MLLT3: variants seen among roughly 807,000 people sequenced by gnomAD.
The protein encoded by MLLT3 is MLLT3 super elongation complex subunit.
A neutral mutation model predicts 53.2 loss-of-function variants in MLLT3; 4 were observed. That is an observed-to-expected ratio of 0.08 (90% CI 0.04 to 0.17). The LOEUF is 0.17. Among genes scored for constraint, MLLT3 ranks in the 10% least tolerant of loss-of-function variants. MLLT3 has a pLI of 1.00. For synonymous variants in MLLT3, 283 were observed against 230.6 expected, an observed-to-expected ratio of 1.23 and a Z score of -2.06; for missense variants, 569 against 684.0, an observed-to-expected ratio of 0.83 and a Z score of 1.87.
chr9:20,569,862 GTCT>G (rs1405298724), intron 2 of MLLT3, among the ~76,000 whole-genome samples: 2 of 152,162 alleles, frequency 1.3e-5, no homozygotes, highest in African/African-American at 2.4e-5. Context: ...GCTCAGTAAA[GTCT>G]TCTTCCCCAC....
At chr9:20,595,449 T>C (rs1224287744) in intron 2 of MLLT3, among the ~76,000 whole-genome samples, 1 of 152,080 alleles carries the variant, frequency 6.6e-6, no homozygotes, top group African/African-American at 2.4e-5. Context: ...AATTTTATAT[T>C]ACCACATACT....
chr9:20,360,908 T>C (rs990243790), intron 7 of MLLT3, 67 bp from the exon 8 acceptor site: 1 of 1,382,830 alleles, frequency 7.2e-7, no homozygotes, highest in Admixed American at 1.7e-5. Context: ...CCCATAGAAA[T>C]AGGCGTGGAA....
rs1056216306 is a variant in MLLT3, at chr9:20,621,478, G to A, written c.13-644C>T. ...CACACACACGCCCGCAGGAAAACAC[G>A]CCGAGGCATCCATAACTTAGAGCAC... On this transcript the variant is annotated intron_variant, in intron 1 of 10. Coordinates refer to ENST00000380338, the MANE Select transcript of MLLT3 (RefSeq NM_004529.4). This position sits in a 1 kb window ranked among gnomAD's most constrained non-coding sequence, Gnocchi z 7.0. Among the ~76,000 whole-genome samples, 4 of 152,060 alleles carry A rather than the reference G, an allele frequency of 2.6e-5. No homozygotes were observed. Among genetic ancestry groups the A allele is most frequent in the Non-Finnish European group, 5.9e-5 (4 of 67,994 alleles).
At chr9:20,552,970 AAAACCACATACAAAATTTGT>A (rs1369904695) in intron 2 of MLLT3, among the ~76,000 whole-genome samples, 1 of 152,100 alleles carries the variant, frequency 6.6e-6, no homozygotes, top group Non-Finnish European at 1.5e-5. Flanking sequence ...ATGAAAATTC[AAAACCACATACAAAATTTGT>A]ATTTTTCTAA....
At chr9:20,441,502 G>T (rs570414887) in intron 4 of MLLT3, among the ~76,000 whole-genome samples, 1 of 152,148 alleles carries the variant, frequency 6.6e-6, no homozygotes, top group Admixed American at 6.6e-5. Context: ...TTTGTGGGGG[G>T]AGGTGGCCGA....
At chr9:20,379,635 A>C (rs1821858005) in intron 5 of MLLT3, among the ~76,000 whole-genome samples, 1 of 152,100 alleles carries the variant, frequency 6.6e-6, no homozygotes, top group South Asian at 2.1e-4. Context: ...AAGAATTACA[A>C]ACTTTAGGTT....
rs536512251 is a variant in MLLT3, at chr9:20,509,683, G to C, written c.194-52897C>G. Reference sequence around the variant, plus strand: ...GCACAGTTCAAGTCACTGCTGTAACGTACATGGCACTGCATCTTTCACTAA... The same window carrying C: ...GCACAGTTCAAGTCACTGCTGTAACCTACATGGCACTGCATCTTTCACTAA... On this transcript the variant is annotated intron_variant, in intron 2 of 10. Coordinates refer to ENST00000380338, the MANE Select transcript of MLLT3 (RefSeq NM_004529.4). 3.9e-5 allele frequency among the ~76,000 whole-genome samples: 6 copies of C among 152,302 alleles called. No homozygotes were observed. In the South Asian group the frequency reaches 8.3e-4, roughly 21 times the overall value.
intron 4 of MLLT3, among the ~76,000 whole-genome samples, chr9:20,438,486 A>G (rs1182859519): frequency 2.0e-5 from 3 of 152,198 alleles, no homozygotes; most frequent in Non-Finnish European, 4.4e-5. Context: ...AACAGAAATT[A>G]TAACTCACTG....
intron 3 of MLLT3, 137 bp downstream of exon 3, chr9:20,456,567 A>G: frequency 1.5e-6 from 1 of 645,504 alleles, no homozygotes; most frequent in Middle Eastern, 4.3e-4. Context: ...TGATAGCCAA[A>G]ATTCCTAGAA....
intron 2 of MLLT3, among the ~76,000 whole-genome samples, chr9:20,536,506 C>T (rs986289926): frequency 1.3e-5 from 2 of 152,174 alleles, no homozygotes; most frequent in Non-Finnish European, 2.9e-5. Flanking sequence ...ATATGCAATG[C>T]TAGCCCGTAA....
intron 4 of MLLT3, among the ~76,000 whole-genome samples, chr9:20,433,834 G>A (rs1179099566): frequency 6.6e-6 from 1 of 152,022 alleles, no homozygotes; most frequent in Non-Finnish European, 1.5e-5. Context: ...AAAGGACAGG[G>A]CCAGGCATGG....
chr9:20,601,787 T>G (rs1820428781), intron 2 of MLLT3, among the ~76,000 whole-genome samples: 1 of 152,196 alleles, frequency 6.6e-6, no homozygotes, highest in Admixed American at 6.5e-5. Flanking sequence ...AAATATCCCT[T>G]TAACTTTTTC....
At chr9:20,490,331 A>G (rs1191648232) in intron 2 of MLLT3, among the ~76,000 whole-genome samples, 2 of 152,274 alleles carry the variant, frequency 1.3e-5, no homozygotes, top group Non-Finnish European at 2.9e-5. Context: ...AACTTTCTTC[A>G]GCTACAGTCA....
rs191307599 is a variant in MLLT3 at position 20,620,562 on chromosome 9, G to T, written c.193+92C>A. On this transcript the variant is annotated intron_variant, in intron 2 of 10. Coordinates refer to ENST00000380338, the MANE Select transcript of MLLT3 (RefSeq NM_004529.4). The surrounding 1 kb of genome is among the most constrained non-coding windows in gnomAD (Gnocchi z 6.1). ...GAGGCTACGCCGGCGAGCGCGGCGC[G>T]GGGGGCGGGGAGCGGGACAGCGGGA... 5.5e-3 allele frequency: 6,356 copies of T among 1,159,354 alleles called. 275 individuals are homozygous for T. In the African/African-American group the frequency reaches 0.087, roughly 16 times the overall value. 71.8% of individuals were successfully genotyped at this position (1,159,354 alleles called of 1,614,324 possible).
chr9:20,433,958 C>CA (rs773196575), intron 4 of MLLT3, among the ~76,000 whole-genome samples: 2,112 of 133,756 alleles, frequency 0.016, 24 homozygotes, highest in Non-Finnish European at 0.023. Flanking sequence ...ACTAAAAATA[C>CA]AAAAAAAAAA....
chr9:20,599,458 T>TAAA (rs11354753), intron 2 of MLLT3, among the ~76,000 whole-genome samples: 1 of 142,516 alleles, frequency 7.0e-6, no homozygotes, highest in East Asian at 2.0e-4. Flanking sequence ...ACCAGATGTT[T>TAAA]AAAAAAAAAA....
intron 2 of MLLT3, among the ~76,000 whole-genome samples, chr9:20,543,209 T>G (rs947350357): frequency 6.6e-5 from 10 of 152,222 alleles, no homozygotes; most frequent in African/African-American, 2.4e-4. Flanking sequence ...CACATTTAGT[T>G]TCCTGCAAGA....
intron 2 of MLLT3, among the ~76,000 whole-genome samples, chr9:20,601,995 AAAC>A (rs1402422921): frequency 6.6e-6 from 1 of 152,152 alleles, no homozygotes; most frequent in African/African-American, 2.4e-5. Context: ...CACTGCTGAA[AAAC>A]AACCTCAACA....
chr9:20,604,183 C>A (rs1820507921), intron 2 of MLLT3, among the ~76,000 whole-genome samples: 1 of 151,960 alleles, frequency 6.6e-6, no homozygotes, highest in Admixed American at 6.6e-5. Flanking sequence ...CAGAAGGACC[C>A]AACATTGTTG....
Sources: gnomAD v4.1 joint callset for allele counts (sites outside exome capture counted in the v4.1 genomes callset) on GRCh38, gnomAD v4.1.1 for gene constraint, Gnocchi (gnomAD v3.1) non-coding constraint, MANE v1.5 for transcripts, NCBI Gene and HGNC (gene_info 2026-07-23, HGNC 2026-07-21) for gene names.